The following NXPE3 variants were observed in gnomAD, a reference collection of about 807,000 sequenced individuals.
The protein encoded by NXPE3 is NXPE family member 3.
A neutral mutation model predicts 46.1 loss-of-function variants in NXPE3; 26 were observed. The observed-to-expected ratio is 0.56, with a 90% CI of 0.41 to 0.78. The LOEUF (loss-of-function observed/expected upper bound fraction) is 0.78. Ranked by LOEUF, NXPE3 falls within the 30% of genes least tolerant of loss-of-function variation. The probability of loss-of-function intolerance (pLI) is 0.00; values close to 1 mark genes in which losing one functional copy is unlikely to be tolerated. For synonymous variants in NXPE3, 272 were observed against 257.9 expected (o/e 1.05, Z -0.52); for missense variants, 620 against 686.0 (o/e 0.90, Z 1.07).
At chr3:101,793,043 C>T (rs1940609106) in intron 4 of NXPE3, among the ~76,000 whole-genome samples, 1 of 152,046 alleles carries the variant, frequency 6.6e-6, no homozygotes, top group African/African-American at 2.4e-5. Context: ...ATGGGATTGC[C>T]TTTCTGATTT....
At chr3:101,799,861 T>C (rs754416537) in intron 4 of NXPE3, among the ~76,000 whole-genome samples, 1 of 152,224 alleles carries the variant, frequency 6.6e-6, no homozygotes. Context: ...ATAGAATTGT[T>C]CATAATATTC....
rs2107228916 is a variant in NXPE3, at chr3:101,782,235, T to C, written c.-372T>C. On this transcript the variant is annotated 5_prime_UTR_variant, in exon 2 of 8. Coordinates refer to ENST00000273347, the MANE Select transcript of NXPE3 (RefSeq NM_145037.4). The stretch of plus-strand genomic sequence containing the variant: ...TTCATGCTGGAAGGAAAGTTAGACG[T>C]AACTTCTAATTTCTAGTTCCAGTAA... 1 of 152,330 alleles carries C rather than the reference T, an allele frequency of 6.6e-6. No individual in the cohort carries two copies. Among genetic ancestry groups the C allele is most frequent in the South Asian group, 2.1e-4 (1 of 4,826 alleles). 9.4% of individuals were successfully genotyped at this position (152,330 alleles called of 1,614,324 possible).
At chr3:101,813,532 C>T (rs1457138700) in intron 6 of NXPE3, among the ~76,000 whole-genome samples, 1 of 152,140 alleles carries the variant, frequency 6.6e-6, no homozygotes, top group African/African-American at 2.4e-5. Context: ...AAATGCAAAC[C>T]ATGGGCTTTA....
chr3:101,801,970 G>C lies in NXPE3; in HGVS notation c.829G>C (p.Glu277Gln), dbSNP rs775499698. Residue 277 changes from glutamate to glutamine, a missense_variant, in exon 5 of 8, where the codon GAG (glutamate) becomes CAG (glutamine). Transcript: ENST00000273347. Reference protein sequence around the residue: ...GYLKGLLTAAESAFFQSGVNI... With the variant: ...GYLKGLLTAAQSAFFQSGVNI... ...CCTGAAAGGTCTCCTAACCGCTGCAGAGAGTGCTTTCTTCCAGAGGTATGT... is the reference window on the plus strand; with the variant it reads ...CCTGAAAGGTCTCCTAACCGCTGCACAGAGTGCTTTCTTCCAGAGGTATGT... 1 of 1,609,180 alleles carries C rather than the reference G, an allele frequency of 6.2e-7. No individual in the cohort carries two copies. Among genetic ancestry groups the C allele is most frequent in the Non-Finnish European group, 8.5e-7 (1 of 1,179,056 alleles).
At chr3:101,808,818 GAT>G (rs58006464) in intron 6 of NXPE3, among the ~76,000 whole-genome samples, 437 of 30,798 alleles carry the variant, frequency 0.014, 20 homozygotes, top group East Asian at 0.085. Context: ...AATTTTAGAG[GAT>G]ATATATATAT....
At chr3:101,807,417 T>C (rs1167212571) in intron 6 of NXPE3, among the ~76,000 whole-genome samples, 1 of 152,096 alleles carries the variant, frequency 6.6e-6, no homozygotes, top group Non-Finnish European at 1.5e-5. Flanking sequence ...TCTCCTAGGC[T>C]CAATTGATCC....
chr3:101,819,345 C>T (rs1942143724), intron 7 of NXPE3, among the ~76,000 whole-genome samples: 1 of 152,162 alleles, frequency 6.6e-6, no homozygotes, highest in Non-Finnish European at 1.5e-5. Flanking sequence ...ACAAGGACTG[C>T]CACTGATTCC....
intron 6 of NXPE3, among the ~76,000 whole-genome samples, chr3:101,808,844 T>TACAC (rs1560057797): frequency 1.5e-5 from 2 of 129,402 alleles, no homozygotes; most frequent in African/African-American, 5.8e-5. Flanking sequence ...TATATATATA[T>TACAC]ATATATATAT....
At chr3:101,817,025 G>A (rs373151017) in intron 7 of NXPE3, 24 bp downstream of exon 7, 42 of 1,596,786 alleles carry the variant, frequency 2.6e-5, no homozygotes, top group East Asian at 6.7e-5. Flanking sequence ...CTTTTGTTTC[G>A]TAACTCTTTC....
intron 6 of NXPE3, among the ~76,000 whole-genome samples, chr3:101,808,822 T>TAGATATATATATATAG (rs1341404056): frequency 1.2e-5 from 1 of 84,044 alleles, no homozygotes; most frequent in Non-Finnish European, 2.4e-5. Flanking sequence ...TTAGAGGATA[T>TAGATATATATATATAG]ATATATATAT....
chr3:101,816,182 A>G (rs1383815347), intron 6 of NXPE3, among the ~76,000 whole-genome samples: 1 of 152,176 alleles, frequency 6.6e-6, no homozygotes, highest in Non-Finnish European at 1.5e-5. Context: ...ATGTAAGCAG[A>G]GGGAATGCTG....
At chr3:101,815,067 T>C (rs369563040) in intron 6 of NXPE3, among the ~76,000 whole-genome samples, 1 of 152,344 alleles carries the variant, frequency 6.6e-6, no homozygotes, top group African/African-American at 2.4e-5. Context: ...GCAAGAAATA[T>C]TAGCCATCAC....
At chr3:101,817,135 A>C in intron 7 of NXPE3, 134 bp downstream of exon 7, 1 of 744,688 alleles carries the variant, frequency 1.3e-6, no homozygotes, top group Non-Finnish European at 2.3e-6. Flanking sequence ...GAGGTACCCA[A>C]ACCCTGGAGA....
intron 4 of NXPE3, among the ~76,000 whole-genome samples, chr3:101,786,876 C>T (rs1940216382): frequency 6.6e-6 from 1 of 152,174 alleles, no homozygotes; most frequent in Non-Finnish European, 1.5e-5. Context: ...ACCCCACCAT[C>T]TATGTCTAGA....
rs149452985 is a variant in NXPE3 at position 101,821,491 on chromosome 3, G to A, written c.1217G>A (p.Arg406His). The change falls in exon 8 of 8, where the codon CGC (arginine) becomes CAC (histidine). Residue 406 changes from arginine (R) to histidine (H), a missense_variant. By Grantham distance (29) the Arg-to-His change is conservative. Transcript: ENST00000273347. ...DQKHNILLKY[R>H]CHGPPIRFTT... The stretch of plus-strand genomic sequence containing the variant: ...AAGCACAACATCCTGCTCAAATACC[G>A]CTGCCATGGTCCACCCATCCGCTTC... 11 of 1,614,130 alleles carry A rather than the reference G, an allele frequency of 6.8e-6. No homozygotes were observed. The highest frequency in any genetic ancestry group is 3.3e-5 in the South Asian group (3 of 91,078).
rs1012149958 is a variant in NXPE3, at chr3:101,824,276, G to A, written c.*2322G>A. 2.0e-5 allele frequency: 3 copies of A among 152,018 alleles called. No homozygotes were observed. The highest frequency in any genetic ancestry group is 7.2e-5 in the African/African-American group (3 of 41,384). The allele number at this position is 152,018 out of a possible 1,614,324, so 9.4% of individuals were successfully genotyped here. ...ATAAACATGGCTTGTTTATTATTTT[G>A]GGGGATTTACCAATAACTGGTTTAA... On this transcript the variant is annotated 3_prime_UTR_variant, in exon 8 of 8. Coordinates refer to ENST00000273347, the MANE Select transcript of NXPE3 (RefSeq NM_145037.4).
rs1403872724 is a variant in NXPE3, at chr3:101,780,600, C to T, written c.-498+1276C>T. Among the ~76,000 whole-genome samples, 3 of 152,276 alleles carry T rather than the reference C, an allele frequency of 2.0e-5. No homozygotes were observed. The East Asian group carries it at 5.8e-4, about 29-fold the overall frequency. ...AAGCTACTTCTTGGGCCTATTCCTA[C>T]AGATTCTGATTTAATTGTTTGAGTG... On this transcript the variant is annotated intron_variant, in intron 1 of 7. Coordinates refer to ENST00000273347, the MANE Select transcript of NXPE3 (RefSeq NM_145037.4).
At chr3:101,818,649 G>T (rs941001405) in intron 7 of NXPE3, among the ~76,000 whole-genome samples, 2 of 131,448 alleles carry the variant, frequency 1.5e-5, no homozygotes, top group Non-Finnish European at 3.1e-5. Context: ...AAATCTAGAA[G>T]AGAAACCTGG....
intron 6 of NXPE3, among the ~76,000 whole-genome samples, chr3:101,814,478 G>A (rs772671291): frequency 1.6e-4 from 24 of 151,986 alleles, no homozygotes; most frequent in Non-Finnish European, 2.4e-4. Flanking sequence ...AGCAGATGCC[G>A]AAGAAAAAAA....
Sources: allele counts gnomAD v4.1 joint callset (sites outside exome capture counted in the v4.1 genomes callset), GRCh38; gene constraint gnomAD v4.1.1; transcripts MANE v1.5; gene names NCBI Gene and HGNC (gene_info 2026-07-23, HGNC 2026-07-21).